IFNAR2: variants seen among roughly 807,000 people sequenced by gnomAD.
IFNAR2 encodes the protein interferon alpha/beta receptor 2.
Under a neutral mutation model 49.4 loss-of-function variants are expected in IFNAR2, and 30 were observed. The ratio of observed to expected loss-of-function variants is 0.61; its 90% CI spans 0.45 to 0.82. IFNAR2 has a LOEUF of 0.82. Ranked by LOEUF, IFNAR2 falls within the 40% of genes least tolerant of loss-of-function variation. The pLI, the probability that IFNAR2 is intolerant of heterozygous loss-of-function variation, is 0.00. For synonymous variants in IFNAR2, 224 were observed against 234.5 expected (o/e 0.96, Z 0.41); for missense variants, 600 against 622.7 (o/e 0.96, Z 0.39).
At chr21:33,249,346 A>C (rs1987680784) in intron 6 of IFNAR2, among the ~76,000 whole-genome samples, 1 of 16,340 alleles carries the variant, frequency 6.1e-5, no homozygotes, top group Non-Finnish European at 1.6e-4. Flanking sequence ...TCCGTCTCAA[A>C]AAAAAAAAAA....
chr21:33,229,963 C>G lies in IFNAR2; in HGVS notation c.-337C>G, dbSNP rs1250254202. 3 of 983,952 alleles carry G rather than the reference C, an allele frequency of 3.0e-6. No homozygotes were observed. Among genetic ancestry groups the G allele is most frequent in the Non-Finnish European group, 2.4e-6 (2 of 829,526 alleles). 61.0% of individuals were successfully genotyped at this position (983,952 alleles called of 1,614,324 possible). On this transcript the variant is annotated 5_prime_UTR_variant, in exon 1 of 9. Transcript: ENST00000342136. Reference sequence around the variant, plus strand: ...GTATCGCTCCTCGTAGGCCGGGGCTCGGCGCGCGCACCCGCACTAAAGACG... The same window carrying G: ...GTATCGCTCCTCGTAGGCCGGGGCTGGGCGCGCGCACCCGCACTAAAGACG...
intron 7 of IFNAR2, among the ~76,000 whole-genome samples, chr21:33,254,052 T>C (rs1988048283): frequency 6.6e-6 from 1 of 152,202 alleles, no homozygotes; most frequent in South Asian, 2.1e-4. Flanking sequence ...TGGAAGTATC[T>C]TTAATGTTCT....
intron 2 of IFNAR2, 58 bp from the exon 3 acceptor site, chr21:33,243,615 A>G (rs773234094): frequency 1.1e-5 from 15 of 1,410,830 alleles, no homozygotes; most frequent in Non-Finnish European, 1.4e-5. Context: ...TAGAGTAATC[A>G]TTGCAAGTTG....
rs143017351 is a variant in IFNAR2, at chr21:33,251,268, G to A, written c.541-1394G>A. 2.3e-3 allele frequency among the ~76,000 whole-genome samples: 352 copies of A among 152,292 alleles called. 1 individual carries two copies. The highest frequency in any genetic ancestry group is 8.0e-3 in the African/African-American group (333 of 41,578). Reference sequence around the variant, plus strand: ...GAGAAGCAGGTGAGAGTGATGTCCCGGTAGCTGAGAGAAGAACTTTCCAGA... The same window carrying A: ...GAGAAGCAGGTGAGAGTGATGTCCCAGTAGCTGAGAGAAGAACTTTCCAGA... On this transcript the variant is annotated intron_variant, in intron 6 of 8. Coordinates refer to ENST00000342136, the MANE Select transcript of IFNAR2 (RefSeq NM_001289125.3).
chr21:33,245,917 T>C (rs1227461502), intron 4 of IFNAR2, among the ~76,000 whole-genome samples: 1 of 152,132 alleles, frequency 6.6e-6, no homozygotes, highest in Non-Finnish European at 1.5e-5. Context: ...GTCCCTGAAA[T>C]AGCCCAGGTC....
At chr21:33,242,998 ATGCTGGTCTCACAT>A in intron 2 of IFNAR2, among the ~76,000 whole-genome samples, 1 of 151,442 alleles carries the variant, frequency 6.6e-6, no homozygotes, top group Non-Finnish European at 1.5e-5. Flanking sequence ...CATGTTGGCC[ATGCTGGTCTCACAT>A]TGCTGACCTC....
intron 6 of IFNAR2, among the ~76,000 whole-genome samples, chr21:33,250,834 C>T (rs1409973950): frequency 1.3e-5 from 2 of 152,200 alleles, no homozygotes; most frequent in African/African-American, 4.8e-5. Context: ...CCACCATGCC[C>T]AGCTCATAAT....
Position 33,257,604 on chromosome 21 carries a change from T to A in IFNAR2, c.710-2993T>A, listed in dbSNP as rs535782304. Among the ~76,000 whole-genome samples the A allele has an allele frequency of 2.6e-5, 4 of 152,124 alleles. No homozygotes were observed. The South Asian group carries it at 8.3e-4, about 32-fold the overall frequency. On this transcript the variant is annotated intron_variant, in intron 7 of 8. Transcript: ENST00000342136. Reference sequence around the variant, plus strand: ...GTGCTGATTGGTGCGTTTTACAGAATGCTGACTTGTGCATTTTACAATCCT... The same window carrying A: ...GTGCTGATTGGTGCGTTTTACAGAAAGCTGACTTGTGCATTTTACAATCCT...
chr21:33,250,529 A>T (rs910947073), intron 6 of IFNAR2, among the ~76,000 whole-genome samples: 4 of 151,912 alleles, frequency 2.6e-5, no homozygotes, highest in African/African-American at 9.7e-5. Flanking sequence ...TTCTGCATAT[A>T]TTTTGGGTTT....
intron 1 of IFNAR2, among the ~76,000 whole-genome samples, chr21:33,235,549 G>A (rs1265925982): frequency 6.6e-6 from 1 of 152,046 alleles, no homozygotes; most frequent in Admixed American, 6.5e-5. Context: ...ACCACTAAAG[G>A]TACTAAAATA....
chr21:33,254,383 A>G (rs1439794869), intron 7 of IFNAR2, among the ~76,000 whole-genome samples: 1 of 152,202 alleles, frequency 6.6e-6, no homozygotes, highest in Non-Finnish European at 1.5e-5. Context: ...AAAAGAAACC[A>G]AAGTGTTTTA....
At chr21:33,242,523 G>T (rs1987015953) in intron 2 of IFNAR2, among the ~76,000 whole-genome samples, 2 of 151,892 alleles carry the variant, frequency 1.3e-5, no homozygotes, top group African/African-American at 4.8e-5. Context: ...ATGAGGTCAG[G>T]AGATCGAGAC....
Position 33,263,751 on chromosome 21 carries a change from A to G in IFNAR2, c.*251A>G. The G allele has an allele frequency of 2.1e-6, 1 of 485,606 alleles. No homozygotes were observed. The highest frequency in any genetic ancestry group is 2.7e-5 in the South Asian group (1 of 37,330). The allele number at this position is 485,606 out of a possible 1,614,324, so 30.1% of individuals were successfully genotyped here. Reference sequence around the variant, plus strand: ...AAGCACATGTGCACCTTTCCTTTACACTAATGCACTTAGGATGTTTCTGCA... The same window carrying G: ...AAGCACATGTGCACCTTTCCTTTACGCTAATGCACTTAGGATGTTTCTGCA... On this transcript the variant is annotated 3_prime_UTR_variant, in exon 9 of 9. Transcript: ENST00000342136.
intron 6 of IFNAR2, among the ~76,000 whole-genome samples, chr21:33,250,294 ACT>A (rs1196685218): frequency 5.9e-5 from 9 of 152,100 alleles, no homozygotes; most frequent in African/African-American, 1.2e-4. Context: ...TAAGCAACTA[ACT>A]CTATGTTTTA....
Position 33,263,142 on chromosome 21 carries a change from G to A in IFNAR2, c.1190G>A (p.Arg397Lys). 6.2e-7 allele frequency: 1 copy of A among 1,614,184 alleles called. No individual in the cohort carries two copies. Among genetic ancestry groups the A allele is most frequent in the African/African-American group, 1.3e-5 (1 of 75,042 alleles). ...QLELLSGPCE[R>K]RKSPLQDPFP... ...GAACTCTTGAGTGGGCCCTGTGAGA[G>A]GAGAAAGAGTCCACTCCAGGACCCT... Residue 397 changes from arginine (R) to lysine (K), a missense_variant, in exon 9 of 9, where the codon AGG becomes AAG. Physicochemically the swap from Arg to Lys is conservative, Grantham distance 26. Coordinates refer to ENST00000342136, the MANE Select transcript of IFNAR2 (RefSeq NM_001289125.3).
In IFNAR2 at chr21:33,264,679, G is replaced by C. The variant is rs1199256131; in HGVS notation, c.*1179G>C. The C allele has an allele frequency of 6.6e-6, 1 of 152,242 alleles. No homozygotes were observed. Among genetic ancestry groups the C allele is most frequent in the East Asian group, 1.9e-4 (1 of 5,174 alleles). 9.4% of individuals were successfully genotyped at this position (152,242 alleles called of 1,614,324 possible). A position where few individuals can be genotyped will look rare whatever the true frequency, so the allele number is the denominator to read the frequency against. ...TGCCTGTGGATCTAGGCCGGGTTGG[G>C]GGGGTGTGGGCGGGGGAAGGGAAGT... On this transcript the variant is annotated 3_prime_UTR_variant, in exon 9 of 9. Transcript: ENST00000342136.
intron 8 of IFNAR2, among the ~76,000 whole-genome samples, chr21:33,261,429 A>G (rs190590551): frequency 3.2e-4 from 48 of 152,118 alleles, no homozygotes; most frequent in Non-Finnish European, 6.0e-4. Context: ...TTTTCATTTA[A>G]CCATTTCTCA....
intron 1 of IFNAR2, among the ~76,000 whole-genome samples, chr21:33,239,942 G>A (rs113011454): frequency 2.0e-3 from 67 of 34,272 alleles, no homozygotes; most frequent in Non-Finnish European, 2.6e-3. Context: ...CCTTCTGCAG[G>A]CCCAGAGTGG....
rs749410351 is a variant in IFNAR2 at position 33,245,505 on chromosome 21, A to G, written c.221+431A>G. Among the ~76,000 whole-genome samples, 30 of 152,256 alleles carry G rather than the reference A, an allele frequency of 2.0e-4. 1 individual carries two copies. The highest frequency in any genetic ancestry group is 1.4e-3 in the Admixed American group (22 of 15,288). On this transcript the variant is annotated intron_variant, in intron 4 of 8. Coordinates refer to ENST00000342136, the MANE Select transcript of IFNAR2 (RefSeq NM_001289125.3). ...TTCTTTACTCTGGTGGGACACCAGA[A>G]AGCTGCCTGGCCTAGTCTGGGACAG...
Sources: allele counts gnomAD v4.1 joint callset (sites outside exome capture counted in the v4.1 genomes callset), GRCh38; gene constraint gnomAD v4.1.1; transcripts MANE v1.5; gene names NCBI Gene and HGNC (gene_info 2026-07-23, HGNC 2026-07-21).